Variants in XPO4 observed in about 807,000 individuals in gnomAD.
XPO4 encodes the protein exportin-4.
In XPO4, 39 loss-of-function variants were observed where a neutral mutation model predicts 143.0. The observed-to-expected ratio is 0.27, with a 90% confidence interval of 0.21 to 0.36. XPO4 has a LOEUF of 0.36. Ranked by LOEUF, XPO4 falls within the 10% of genes least tolerant of loss-of-function variation. The pLI, the probability that XPO4 is intolerant of heterozygous loss-of-function variation, is 1.00. For synonymous variants in XPO4, 439 were observed against 474.0 expected (o/e 0.93, Z 0.96); for missense variants, 907 against 1,348.0 (o/e 0.67, Z 5.12).
At chr13:20,806,289 G>T (rs1305335650) in intron 13 of XPO4, among the ~76,000 whole-genome samples, 1 of 151,964 alleles carries the variant, frequency 6.6e-6, no homozygotes, top group East Asian at 1.9e-4. Context: ...ACATTTCCTT[G>T]GTTATCAGCT....
chr13:20,851,908 G>A, intron 4 of XPO4: 3 of 985,310 alleles, frequency 3.0e-6, no homozygotes, highest in Non-Finnish European at 3.6e-6. Context: ...AGTTATTTCA[G>A]TGGCTCCAAA....
intron 13 of XPO4, among the ~76,000 whole-genome samples, chr13:20,804,999 C>A (rs931508070): frequency 6.6e-6 from 1 of 151,610 alleles, no homozygotes; most frequent in Non-Finnish European, 1.5e-5. Context: ...GACTAGAGTG[C>A]AGTGGTGCAA....
intron 19 of XPO4, among the ~76,000 whole-genome samples, chr13:20,789,284 G>C (rs1053068480): frequency 6.6e-6 from 1 of 152,132 alleles, no homozygotes; most frequent in Non-Finnish European, 1.5e-5. Flanking sequence ...CCAATAGTTA[G>C]AGACGCTCTC....
At chr13:20,893,509 G>T (rs1340506170) in intron 1 of XPO4, among the ~76,000 whole-genome samples, 2 of 152,138 alleles carry the variant, frequency 1.3e-5, no homozygotes, top group Non-Finnish European at 2.9e-5. Context: ...GGAGGCCGAG[G>T]TGGGAGGATC....
At chr13:20,873,071 G>A (rs2060316240) in intron 1 of XPO4, among the ~76,000 whole-genome samples, 1 of 147,244 alleles carries the variant, frequency 6.8e-6, no homozygotes, top group Admixed American at 6.9e-5. Flanking sequence ...GGAGGTGGTA[G>A]TAGAGACCCG....
chr13:20,809,160 G>T lies in XPO4; in HGVS notation c.1416C>A (p.Asp472Glu). The T allele has an allele frequency of 1.2e-6, 2 of 1,614,124 alleles. No individual in the cohort carries two copies. The highest frequency in any genetic ancestry group is 1.7e-6 in the Non-Finnish European group (2 of 1,179,996). Residue 472 changes from aspartate to glutamate, a missense_variant, in exon 11 of 23, where the codon GAC becomes GAA. Physicochemically the swap from Asp to Glu is conservative, Grantham distance 45. Coordinates refer to ENST00000255305, the MANE Select transcript of XPO4 (RefSeq NM_022459.5). ...EISELQEDDR[D>E]QFSDQLASVG... The stretch of plus-strand genomic sequence containing the variant: ...CACTGGCCAGTTGATCAGAAAACTG[G>T]TCTCGATCATCCTCTTGAAGTTCAC...
chr13:20,777,620 C>T lies in XPO4; in HGVS notation c.*6102G>A, dbSNP rs1187754046. On this transcript the variant is annotated 3_prime_UTR_variant, in exon 23 of 23. Coordinates refer to ENST00000255305, the MANE Select transcript of XPO4 (RefSeq NM_022459.5). ...AAATAAGAAGTTCTACTACTCAATA[C>T]ATCTTGGGCTTTCTTAAAGGTGTAT... 1 of 152,186 alleles carries T rather than the reference C, an allele frequency of 6.6e-6. No individual in the cohort carries two copies. The highest frequency in any genetic ancestry group is 2.4e-5 in the African/African-American group (1 of 41,446). The allele number at this position is 152,186 out of a possible 1,614,324, so 9.4% of individuals were successfully genotyped here. A position where few individuals can be genotyped will look rare whatever the true frequency, so the allele number is the denominator to read the frequency against.
intron 2 of XPO4, among the ~76,000 whole-genome samples, chr13:20,867,652 T>C (rs1340449672): frequency 6.6e-6 from 1 of 152,232 alleles, no homozygotes; most frequent in Non-Finnish European, 1.5e-5. Context: ...TAAGTCCTTA[T>C]ATGTAAAGCA....
At position 20,826,531 on chromosome 13, in the gene XPO4, G is replaced by A. The variant is rs139760066; in HGVS notation, c.840+536C>T. On this transcript the variant is annotated intron_variant, in intron 7 of 22. Coordinates refer to ENST00000255305, the MANE Select transcript of XPO4 (RefSeq NM_022459.5). ...ATTTCCCCGAGGCCACACGATGTGCGATACTGCAACTAACTGAAGGCAGAA... is the reference window on the plus strand; with the variant it reads ...ATTTCCCCGAGGCCACACGATGTGCAATACTGCAACTAACTGAAGGCAGAA... Among the ~76,000 whole-genome samples the A allele has an allele frequency of 2.0e-3, 311 of 152,306 alleles. 1 individual carries two copies. The highest frequency in any genetic ancestry group is 7.1e-3 in the African/African-American group (297 of 41,556).
chr13:20,894,043 T>A (rs921997498), intron 1 of XPO4, among the ~76,000 whole-genome samples: 1 of 152,116 alleles, frequency 6.6e-6, no homozygotes, highest in African/African-American at 2.4e-5. Context: ...GGTTTCTCCA[T>A]GTTGGTCAGG....
chr13:20,891,791 A>G (rs1046077886), intron 1 of XPO4, among the ~76,000 whole-genome samples: 1 of 148,928 alleles, frequency 6.7e-6, no homozygotes, highest in African/African-American at 2.5e-5. Context: ...TGAACCCGGG[A>G]GGTGAAGGTT....
chr13:20,809,716 T>G (rs1425562568), intron 10 of XPO4, 75 bp downstream of exon 10: 40 of 1,442,484 alleles, frequency 2.8e-5, no homozygotes, highest in Non-Finnish European at 3.7e-5. Context: ...TTTCTGGCAT[T>G]ATATAATGTG....
chr13:20,868,620 A>G lies in XPO4; in HGVS notation c.151T>C (p.Phe51Leu), dbSNP rs1440808026. The change falls in exon 2 of 23, where the codon TTT becomes CTT. Residue 51 changes from phenylalanine (F) to leucine (L), a missense_variant. Transcript: ENST00000255305. The part of the protein sequence containing the change: ...FLSFRKSKSP[F>L]AVCKHILETS... ...CCCAAAATATGCTTGCAAACTGCAAATGGTGATTTTGATTTCCTAAATGAT... is the reference window on the plus strand; with the variant it reads ...CCCAAAATATGCTTGCAAACTGCAAGTGGTGATTTTGATTTCCTAAATGAT... 1 of 1,612,834 alleles carries G rather than the reference A, an allele frequency of 6.2e-7. No individual in the cohort carries two copies.
chr13:20,819,603 T>C (rs942704997), intron 9 of XPO4, among the ~76,000 whole-genome samples: 42 of 151,878 alleles, frequency 2.8e-4, no homozygotes, highest in Non-Finnish European at 1.8e-4. Context: ...GAGGTTGCAG[T>C]GAGCCAAGAC....
chr13:20,859,918 G>C (rs547819316), intron 3 of XPO4: 375 of 916,870 alleles, frequency 4.1e-4, no homozygotes, highest in Non-Finnish European at 4.8e-4. Context: ...AGAGTTCAGT[G>C]GTTCTCAGGT....
chr13:20,866,544 G>T (rs903891439), intron 2 of XPO4, among the ~76,000 whole-genome samples: 3 of 152,204 alleles, frequency 2.0e-5, no homozygotes, highest in African/African-American at 7.2e-5. Context: ...CTTCTGTGCT[G>T]GTGGCAACTG....
chr13:20,860,220 T>C (rs2060184479), intron 3 of XPO4, among the ~76,000 whole-genome samples: 1 of 152,228 alleles, frequency 6.6e-6, no homozygotes, highest in South Asian at 2.1e-4. Context: ...GTCACATAAA[T>C]AGACTGCTCT....
In XPO4 at chr13:20,779,382, C is replaced by T. The variant is rs2059115186; in HGVS notation, c.*4340G>A. 6.6e-6 allele frequency: 1 copy of T among 152,412 alleles called. No individual in the cohort carries two copies. The allele number at this position is 152,412 out of a possible 1,614,324, so 9.4% of individuals were successfully genotyped here. A position where few individuals can be genotyped will look rare whatever the true frequency, so the allele number is the denominator to read the frequency against. On this transcript the variant is annotated 3_prime_UTR_variant, in exon 23 of 23. Transcript: ENST00000255305. ...CCCTAGTAGGTACATAGTGCAGATGCAGTATATAATTTCAGGCTAGGAAAA... is the reference window on the plus strand; with the variant it reads ...CCCTAGTAGGTACATAGTGCAGATGTAGTATATAATTTCAGGCTAGGAAAA...
chr13:20,835,638 A>G (rs2059906452), intron 6 of XPO4, among the ~76,000 whole-genome samples: 1 of 152,212 alleles, frequency 6.6e-6, no homozygotes, highest in Non-Finnish European at 1.5e-5. Flanking sequence ...TCCTTGGCAC[A>G]AACCCCCATT....
Sources: allele counts gnomAD v4.1 joint callset (sites outside exome capture counted in the v4.1 genomes callset), GRCh38; gene constraint gnomAD v4.1.1; transcripts MANE v1.5; gene names NCBI Gene and HGNC (gene_info 2026-07-23, HGNC 2026-07-21).